Variants in SLC24A1 observed in about 807,000 individuals in gnomAD.
SLC24A1 encodes the protein solute carrier family 24 member 1, also known as sodium/potassium/calcium exchanger 1.
In SLC24A1, 52 loss-of-function variants were observed where a neutral mutation model predicts 88.1. That is an observed-to-expected ratio of 0.59 (90% CI 0.47 to 0.74). The LOEUF (loss-of-function observed/expected upper bound fraction) is 0.74. Among genes scored for constraint, SLC24A1 ranks in the 30% least tolerant of loss-of-function variants. SLC24A1 has a pLI of 0.00. For missense variants in SLC24A1, 1,173 were observed against 1,363.3 expected (o/e 0.86, Z 2.20); for synonymous variants, 455 against 498.0 (o/e 0.91, Z 1.15).
chr15:65,617,032 G>C (rs2074167564), upstream of SLC24A1, among the ~76,000 whole-genome samples: 1 of 152,166 alleles, frequency 6.6e-6, no homozygotes, highest in Non-Finnish European at 1.5e-5. Context: ...TCAGATGGTT[G>C]TAGATGTGTG....
At position 65,624,902 on chromosome 15, in the gene SLC24A1, CGT is replaced by C. The variant is rs2074450400; in HGVS notation, c.823_824del (p.Val275HisfsTer15). ...CAAACGTCTTGACTTCTCCAAGGAG[CGT>C]CATGGAAAAAAACAACCTGTTTCCC... Reference protein sequence around the residue: ...EANVLTSPRSVMEKNNLFPPR... With the variant: ...EANVLTSPRSXMEKNNLFPPR... On this transcript the variant is annotated frameshift_variant, in exon 2 of 10. Transcript: ENST00000261892. LOFTEE classifies it high-confidence loss of function. The C allele has an allele frequency of 3.1e-6, 5 of 1,613,346 alleles. No homozygotes were observed. The highest frequency in any genetic ancestry group is 3.4e-6 in the Non-Finnish European group (4 of 1,179,696).
At position 65,654,083 on chromosome 15, in the gene SLC24A1, A is replaced by T; in HGVS notation, c.*4A>T. On this transcript the variant is annotated 3_prime_UTR_variant, in exon 10 of 10. Coordinates refer to ENST00000261892, the MANE Select transcript of SLC24A1 (RefSeq NM_004727.3). Reference sequence around the variant, plus strand: ...ATCCTGTCCTGTATCTGTCTGAATCAGTCACTCTTGCTCACAATGGGCATG... The same window carrying T: ...ATCCTGTCCTGTATCTGTCTGAATCTGTCACTCTTGCTCACAATGGGCATG... 1 of 1,610,968 alleles carries T rather than the reference A, an allele frequency of 6.2e-7. No individual in the cohort carries two copies. Among genetic ancestry groups the T allele is most frequent in the Non-Finnish European group, 8.5e-7 (1 of 1,177,586 alleles).
Position 65,623,975 on chromosome 15 carries a change from TG to T in SLC24A1, c.-103del. ...CCTAGGGTTGTGGATACCCCCTGGC[TG>T]GGCTTCATGGAGAAATCTTCTCTGA... On this transcript the variant is annotated 5_prime_UTR_variant, in exon 2 of 10. It removes the in-frame stop codon of an upstream open reading frame in the 5' UTR. Transcript: ENST00000261892. 2 of 1,027,064 alleles carry T rather than the reference TG, an allele frequency of 1.9e-6. No individual in the cohort carries two copies. The highest frequency in any genetic ancestry group is 2.9e-6 in the Non-Finnish European group (2 of 693,800). 63.6% of individuals were successfully genotyped at this position (1,027,064 alleles called of 1,614,324 possible). A position where few individuals can be genotyped will look rare whatever the true frequency, so the allele number is the denominator to read the frequency against.
chr15:65,640,108 TCA>T (rs2075074417), intron 4 of SLC24A1, among the ~76,000 whole-genome samples: 1 of 152,264 alleles, frequency 6.6e-6, no homozygotes, highest in South Asian at 2.1e-4. Context: ...GCCAAGCAGC[TCA>T]GCCCAGGCTG....
chr15:65,615,201 T>C (rs1236802050), intron 2 of SLC24A1, among the ~76,000 whole-genome samples: 1 of 151,368 alleles, frequency 6.6e-6, no homozygotes. Flanking sequence ...CAAGATCTTA[T>C]CTCTAAAAAC....
At chr15:65,660,495 T>C (rs930189599), downstream of SLC24A1, 1 of 539,256 alleles carries the variant, frequency 1.9e-6, no homozygotes, top group African/African-American at 1.9e-5. Context: ...CTAATGATAA[T>C]GTGTGCAAAC....
Position 65,650,350 on chromosome 15 carries a change from C to T in SLC24A1, c.2233-32C>T. The T allele has an allele frequency of 1.3e-6, 2 of 1,522,508 alleles. No individual in the cohort carries two copies. The highest frequency in any genetic ancestry group is 1.4e-5 in the African/African-American group (1 of 72,202). 94.3% of individuals were successfully genotyped at this position (1,522,508 alleles called of 1,614,324 possible). ...ATAAGGAAAACAAGCAGAGCAGTTA[C>T]CACACATTAATCTGTTGGTTTTGGA... On this transcript the variant is annotated intron_variant, in intron 6 of 9. Transcript: ENST00000261892. This position sits in a 1 kb window ranked among gnomAD's most constrained non-coding sequence, Gnocchi z 4.1.
intron 2 of SLC24A1, among the ~76,000 whole-genome samples, chr15:65,628,256 G>A (rs946964489): frequency 2.6e-5 from 4 of 152,108 alleles, no homozygotes; most frequent in African/African-American, 9.7e-5. Flanking sequence ...ACCACACCTG[G>A]CCCCTTTAGC....
chr15:65,625,605 C>T lies in SLC24A1; in HGVS notation c.1525C>T (p.Leu509Phe), dbSNP rs2074484220. 1 of 1,614,042 alleles carries T rather than the reference C, an allele frequency of 6.2e-7. No homozygotes were observed. Among genetic ancestry groups the T allele is most frequent in the Non-Finnish European group, 8.5e-7 (1 of 1,179,886 alleles). Residue 509 changes from leucine to phenylalanine, a missense_variant, in exon 2 of 10, where the codon CTC becomes TTC. By Grantham distance (22) the Leu-to-Phe change is conservative (BLOSUM62 0). Coordinates refer to ENST00000261892, the MANE Select transcript of SLC24A1 (RefSeq NM_004727.3). ...FMAAGGSAPELFTSLIGVFIS... is the reference protein window; with the variant it reads ...FMAAGGSAPEFFTSLIGVFIS... ...GGCTGCTGGAGGCTCTGCTCCTGAGCTCTTCACCTCCCTCATCGGTGTCTT... is the reference window on the plus strand; with the variant it reads ...GGCTGCTGGAGGCTCTGCTCCTGAGTTCTTCACCTCCCTCATCGGTGTCTT...
Position 65,624,563 on chromosome 15 carries a change from A to T in SLC24A1, c.483A>T (p.Gln161His), listed in dbSNP as rs750598986. 6.3e-6 allele frequency: 10 copies of T among 1,596,370 alleles called. No individual in the cohort carries two copies. The highest frequency in any genetic ancestry group is 7.7e-6 in the Non-Finnish European group (9 of 1,171,292). Residue 161 changes from glutamine to histidine, a missense_variant, in exon 2 of 10, where the codon CAA becomes CAT. Physicochemically the swap from Gln to His is conservative, Grantham distance 24. Coordinates refer to ENST00000261892, the MANE Select transcript of SLC24A1 (RefSeq NM_004727.3). ...ACTACACCTCAACTTCAAGCAGACA[A>T]ATAGTAAAAAAGTATACCCCAACAC... ...LTYYTSTSSRQIVKKYTPTPR... is the reference protein window; with the variant it reads ...LTYYTSTSSRHIVKKYTPTPR...
At chr15:65,638,809 A>AG in intron 3 of SLC24A1, among the ~76,000 whole-genome samples, 1 of 152,040 alleles carries the variant, frequency 6.6e-6, no homozygotes, top group South Asian at 2.1e-4. Context: ...CAGAGGGATG[A>AG]GGGGGAAGAA....
At chr15:65,628,088 A>G (rs142655779) in intron 2 of SLC24A1, among the ~76,000 whole-genome samples, 128 of 152,222 alleles carry the variant, frequency 8.4e-4, no homozygotes, top group Middle Eastern at 3.4e-3. Context: ...CCTCCCTAGT[A>G]GCTGGGACTG....
At chr15:65,657,438 G>T (rs374977769), downstream of SLC24A1, among the ~76,000 whole-genome samples, 44 of 152,018 alleles carry the variant, frequency 2.9e-4, no homozygotes, top group African/African-American at 1.0e-3. Context: ...TCAGTAGATC[G>T]AGACCATCCT....
chr15:65,611,968 C>G (rs1005205552), intron 1 of SLC24A1: 12 of 152,252 alleles, frequency 7.9e-5, no homozygotes, highest in African/African-American at 2.7e-4. Flanking sequence ...GCCTCTTGGT[C>G]TCCTCAGCCC....
At chr15:65,631,541 A>G (rs2074725237) in intron 2 of SLC24A1, among the ~76,000 whole-genome samples, 1 of 152,174 alleles carries the variant, frequency 6.6e-6, no homozygotes, top group Non-Finnish European at 1.5e-5. Flanking sequence ...AAACCACCCC[A>G]TAGCCAGTGA....
chr15:65,652,927 G>A lies in SLC24A1; in HGVS notation c.3050+119G>A, dbSNP rs1370598212. On this transcript the variant is annotated intron_variant, in intron 9 of 9. Coordinates refer to ENST00000261892, the MANE Select transcript of SLC24A1 (RefSeq NM_004727.3). ...CATAGAATAAAAGGGCATTTATATT[G>A]TTAGTTTCTGCAAAGCAACAAAATA... 7.5e-6 allele frequency: 6 copies of A among 795,076 alleles called. No homozygotes were observed. In the East Asian group the frequency reaches 1.7e-4, roughly 22 times the overall value. The allele number at this position is 795,076 out of a possible 1,614,324, so 49.3% of individuals were successfully genotyped here.
intron 2 of SLC24A1, among the ~76,000 whole-genome samples, chr15:65,613,383 T>A (rs1168630568): frequency 6.6e-6 from 1 of 152,086 alleles, no homozygotes; most frequent in Non-Finnish European, 1.5e-5. Flanking sequence ...GAGCACGTGT[T>A]GAAAATGCAG....
In SLC24A1 at chr15:65,631,917, C is replaced by T. The variant is rs376877019; in HGVS notation, c.1890+5947C>T. Among the ~76,000 whole-genome samples, 243 of 152,252 alleles carry T rather than the reference C, an allele frequency of 1.6e-3. 1 individual carries two copies. Among genetic ancestry groups the T allele is most frequent in the African/African-American group, 5.4e-3 (225 of 41,532 alleles). Reference sequence around the variant, plus strand: ...CGCGATCTCAGCTCACTGCAACCTCCGCGTCCCAGGTTCAAGTGATTCTCC... The same window carrying T: ...CGCGATCTCAGCTCACTGCAACCTCTGCGTCCCAGGTTCAAGTGATTCTCC... On this transcript the variant is annotated intron_variant, in intron 2 of 9. Transcript: ENST00000261892.
At position 65,644,343 on chromosome 15, in the gene SLC24A1, C is replaced by T. The variant is rs922593758; in HGVS notation, c.2054-84C>T. On this transcript the variant is annotated intron_variant, in intron 4 of 9. Transcript: ENST00000261892. ...ACACTCTGCAGCTGCCCTCTGGCTG[C>T]TCAGCTGACTGTCCTAACTGAAAGG... The T allele has an allele frequency of 1.4e-5, 13 of 951,234 alleles. No homozygotes were observed. The African/African-American group carries it at 1.9e-4, about 14-fold the overall frequency. The allele number at this position is 951,234 out of a possible 1,614,324, so 58.9% of individuals were successfully genotyped here.
Sources: gnomAD v4.1 joint callset for allele counts (sites outside exome capture counted in the v4.1 genomes callset) on GRCh38, gnomAD v4.1.1 for gene constraint, Gnocchi (gnomAD v3.1) non-coding constraint, MANE v1.5 for transcripts, NCBI Gene and HGNC (gene_info 2026-07-23, HGNC 2026-07-21) for gene names.